Variants in OSBPL8 observed in about 807,000 individuals in gnomAD.
OSBPL8 encodes oxysterol-binding protein-related protein 8.
OSBPL8 carries 59 observed loss-of-function variants against 125.5 expected under a neutral mutation model. That is an observed-to-expected ratio of 0.47 (90% CI 0.38 to 0.58). The LOEUF is 0.58. OSBPL8 is among the 20% of genes least tolerant of loss of function. The probability of loss-of-function intolerance (pLI) is 0.00; values close to 1 mark genes in which losing one functional copy is unlikely to be tolerated. For missense variants in OSBPL8, 758 were observed against 1,047.8 expected, an observed-to-expected ratio of 0.72 and a Z score of 3.82; for synonymous variants, 330 against 338.9, an observed-to-expected ratio of 0.97 and a Z score of 0.29.
chr12:76,458,954 T>C (rs1874378380), intron 3 of OSBPL8, among the ~76,000 whole-genome samples: 1 of 152,188 alleles, frequency 6.6e-6, no homozygotes, highest in Non-Finnish European at 1.5e-5. Context: ...TAAATCAATA[T>C]AATTTTCTAT....
At chr12:76,478,569 T>C (rs1416251297) in intron 2 of OSBPL8, among the ~76,000 whole-genome samples, 2 of 151,926 alleles carry the variant, frequency 1.3e-5, no homozygotes, top group African/African-American at 2.4e-5. Context: ...AGAGTCCAAT[T>C]ATATACCTGA....
intron 2 of OSBPL8, among the ~76,000 whole-genome samples, chr12:76,463,089 A>AT (rs2136849813): frequency 6.6e-6 from 1 of 152,310 alleles, no homozygotes; most frequent in Non-Finnish European, 1.5e-5. Context: ...AATCACTCTG[A>AT]TTGCTATGTT....
chr12:76,524,064 T>C (rs1006893018), intron 1 of OSBPL8, among the ~76,000 whole-genome samples: 2 of 152,180 alleles, frequency 1.3e-5, no homozygotes, highest in East Asian at 1.9e-4. Flanking sequence ...GAATCATTTA[T>C]AGTACATACA....
At position 76,548,970 on chromosome 12, in the gene OSBPL8, A is replaced by T. The variant is rs144997066; in HGVS notation, c.-68+10427T>A. On this transcript the variant is annotated intron_variant, in intron 1 of 23. Transcript: ENST00000261183. Reference sequence around the variant, plus strand: ...ACACAAGGAGACACAAGGTATCTTTAAAAAAATCTAATTTGCACATTCTAA... The same window carrying T: ...ACACAAGGAGACACAAGGTATCTTTTAAAAAATCTAATTTGCACATTCTAA... Among the ~76,000 whole-genome samples, 884 of 152,292 alleles carry T rather than the reference A, an allele frequency of 5.8e-3. 10 individuals are homozygous for T. The highest frequency in any genetic ancestry group is 0.02 in the African/African-American group (846 of 41,568).
At chr12:76,480,711 C>A (rs892603931) in intron 2 of OSBPL8, among the ~76,000 whole-genome samples, 2 of 152,174 alleles carry the variant, frequency 1.3e-5, no homozygotes, top group African/African-American at 4.8e-5. Flanking sequence ...GGGTGAGATG[C>A]CTGGGCAGAC....
chr12:76,455,935 C>T (rs999822371), intron 3 of OSBPL8, among the ~76,000 whole-genome samples: 5 of 152,162 alleles, frequency 3.3e-5, no homozygotes, highest in African/African-American at 1.2e-4. Flanking sequence ...CATTACAGTG[C>T]CCTCTGCTGT....
chr12:76,464,913 G>A (rs936608916), intron 2 of OSBPL8, among the ~76,000 whole-genome samples: 2 of 152,196 alleles, frequency 1.3e-5, no homozygotes, highest in Non-Finnish European at 2.9e-5. Context: ...CAAAACATCT[G>A]AAGAGTGCTC....
Position 76,371,499 on chromosome 12 carries a change from A to C in OSBPL8, c.2003T>G (p.Leu668Ter). The C allele has an allele frequency of 6.2e-6, 10 of 1,610,826 alleles. No homozygotes were observed. The highest frequency in any genetic ancestry group is 8.5e-6 in the Non-Finnish European group (10 of 1,178,336). ...NPTPDIKQWRLIRHTVKFEEQ... is the reference protein window; with the variant it reads ...NPTPDIKQWR The stretch of plus-strand genomic sequence containing the variant: ...TTCAAATTTTACAGTGTGCCTTATT[A>C]ATCTCCATTGCTTAATGTCAGGTGT... The change falls in exon 19 of 24, where the codon TTA becomes TGA. Residue 668 changes from leucine to a stop codon, truncating the protein, a stop_gained. Coordinates refer to ENST00000261183, the MANE Select transcript of OSBPL8 (RefSeq NM_020841.5). LOFTEE classifies it high-confidence loss of function.
chr12:76,438,528 T>C (rs916399843), intron 4 of OSBPL8, among the ~76,000 whole-genome samples: 4 of 152,148 alleles, frequency 2.6e-5, no homozygotes, highest in African/African-American at 9.7e-5. Context: ...AGAACAGTTA[T>C]CAGTTTGTTT....
chr12:76,390,788 T>C (rs1470088065), intron 10 of OSBPL8, 131 bp from the exon 11 acceptor site: 12 of 618,124 alleles, frequency 1.9e-5, no homozygotes, highest in Admixed American at 2.9e-5. Context: ...TTTTACATAG[T>C]GTTAATTCAC....
intron 2 of OSBPL8, among the ~76,000 whole-genome samples, chr12:76,464,104 A>T (rs1875079878): frequency 6.6e-6 from 1 of 152,256 alleles, no homozygotes; most frequent in Non-Finnish European, 1.5e-5. Context: ...ATCCAAGAAC[A>T]GCTTCTCAGT....
intron 1 of OSBPL8, among the ~76,000 whole-genome samples, chr12:76,510,840 C>T (rs912892228): frequency 6.6e-6 from 1 of 150,714 alleles, no homozygotes; most frequent in Non-Finnish European, 1.5e-5. Flanking sequence ...GAGATCATGC[C>T]ACTGCACTCC....
chr12:76,541,336 G>A (rs997790713), intron 1 of OSBPL8, among the ~76,000 whole-genome samples: 1 of 152,074 alleles, frequency 6.6e-6, no homozygotes, highest in East Asian at 1.9e-4. Context: ...AAATTAGTCA[G>A]GTGTGGTGGT....
chr12:76,376,247 C>A (rs542052489), intron 16 of OSBPL8, among the ~76,000 whole-genome samples: 14 of 152,320 alleles, frequency 9.2e-5, no homozygotes, highest in South Asian at 6.2e-4. Context: ...GCTGGGGAAA[C>A]TCTGGGTTTA....
intron 1 of OSBPL8, among the ~76,000 whole-genome samples, chr12:76,493,196 T>C (rs1323294805): frequency 6.6e-6 from 1 of 152,224 alleles, no homozygotes; most frequent in Non-Finnish European, 1.5e-5. Flanking sequence ...ACAGGATTGT[T>C]GAGAGGACCC....
rs990907298 is a variant in OSBPL8 at position 76,397,636 on chromosome 12, A to G, written c.672+58T>C. ...TAAACTCATTTGATTGATGTATCTC[A>G]GTTCTATTCATGGATTATCATCTTT... is the stretch of plus-strand genomic sequence containing the variant. On this transcript the variant is annotated intron_variant, in intron 8 of 23. Transcript: ENST00000261183. 6 of 1,487,568 alleles carry G rather than the reference A, an allele frequency of 4.0e-6. No individual in the cohort carries two copies. In the Admixed American group the frequency reaches 1.1e-4, roughly 27 times the overall value. The allele number at this position is 1,487,568 out of a possible 1,614,324, so 92.1% of individuals were successfully genotyped here.
intron 15 of OSBPL8, among the ~76,000 whole-genome samples, chr12:76,381,364 T>A (rs913002209): frequency 6.6e-6 from 1 of 152,188 alleles, no homozygotes; most frequent in African/African-American, 2.4e-5. Flanking sequence ...GCCTGGAGTA[T>A]ATCCTTGAAG....
In OSBPL8 at chr12:76,371,375, T is replaced by C; in HGVS notation, c.2054+73A>G. On this transcript the variant is annotated intron_variant, in intron 19 of 23. Transcript: ENST00000261183. ...TAAGATATGACAGAAGGTGACAAAATGACCATATCATTAAGGAATTGAAAA... is the reference window on the plus strand; with the variant it reads ...TAAGATATGACAGAAGGTGACAAAACGACCATATCATTAAGGAATTGAAAA... The C allele has an allele frequency of 2.1e-6, 3 of 1,416,754 alleles. No homozygotes were observed. In the South Asian group the frequency reaches 5.3e-5, roughly 25 times the overall value. The allele number at this position is 1,416,754 out of a possible 1,614,324, so 87.8% of individuals were successfully genotyped here.
chr12:76,404,606 G>A (rs544412517), intron 5 of OSBPL8, among the ~76,000 whole-genome samples: 4 of 152,174 alleles, frequency 2.6e-5, no homozygotes, highest in Admixed American at 2.6e-4. Context: ...TACTCAATGT[G>A]AAGATAACAA....
Sources: allele counts gnomAD v4.1 joint callset (sites outside exome capture counted in the v4.1 genomes callset), GRCh38; gene constraint gnomAD v4.1.1; transcripts MANE v1.5; gene names NCBI Gene and HGNC (gene_info 2026-07-23, HGNC 2026-07-21).